Variants in KIDINS220 observed in about 807,000 individuals in gnomAD.
KIDINS220 encodes kinase D-interacting substrate of 220 kDa.
KIDINS220 carries 63 observed loss-of-function variants against 157.6 expected under a neutral mutation model. The observed-to-expected ratio is 0.40, with a 90% CI of 0.33 to 0.49. KIDINS220 has a LOEUF of 0.49. Ranked by LOEUF, KIDINS220 falls within the 20% of genes least tolerant of loss-of-function variation. KIDINS220 has a pLI of 0.66. For missense variants in KIDINS220, 1,772 were observed against 2,171.2 expected (o/e 0.82, Z 3.65); for synonymous variants, 732 against 783.6 (o/e 0.93, Z 1.10).
chr2:8,746,103 AT>A (rs1231470460), intron 26 of KIDINS220, among the ~76,000 whole-genome samples: 346 of 140,460 alleles, frequency 2.5e-3, no homozygotes, highest in Admixed American at 4.1e-3. Context: ...TTATACAGTA[AT>A]TTTTTTTTTT....
downstream of KIDINS220, among the ~76,000 whole-genome samples, chr2:8,728,365 C>T (rs369654907): frequency 1.3e-5 from 2 of 152,032 alleles, no homozygotes; most frequent in Non-Finnish European, 2.9e-5. Flanking sequence ...CCACAAAAAA[C>T]CCCACAGGAC....
rs1663773486 is a variant in KIDINS220, at chr2:8,729,776, C to T, written c.*944G>A. On this transcript the variant is annotated 3_prime_UTR_variant, in exon 30 of 30. Coordinates refer to ENST00000256707, the MANE Select transcript of KIDINS220 (RefSeq NM_020738.4). The stretch of plus-strand genomic sequence containing the variant: ...AATTAAATATTTCCTTGTCATTTAT[C>T]AATTGTCACTGACCTTTTTGATGTA... The T allele has an allele frequency of 1.0e-6, 1 of 982,490 alleles. No homozygotes were observed. Among genetic ancestry groups the T allele is most frequent in the East Asian group, 1.1e-4 (1 of 8,804 alleles). The allele number at this position is 982,490 out of a possible 1,614,324, so 60.9% of individuals were successfully genotyped here. A position where few individuals can be genotyped will look rare whatever the true frequency, so the allele number is the denominator to read the frequency against.
chr2:8,817,712 T>C lies in KIDINS220; in HGVS notation c.212A>G (p.Asn71Ser), dbSNP rs1656956490. ...CGATGCAGATATAAGTGCTGTCCAA[T>C]TATCCTTGAACATATATTTTAAAAG... ...GANCNLEDLD[N>S]WTALISASKE... The change falls in exon 4 of 30, where the codon AAT becomes AGT. Residue 71 changes from asparagine (N) to serine (S), a missense_variant. Physicochemically the swap from Asn to Ser is conservative, Grantham distance 46. Coordinates refer to ENST00000256707, the MANE Select transcript of KIDINS220 (RefSeq NM_020738.4). 2 of 1,591,238 alleles carry C rather than the reference T, an allele frequency of 1.3e-6. No homozygotes were observed. The highest frequency in any genetic ancestry group is 2.7e-5 in the African/African-American group (2 of 74,390).
At chr2:8,743,250 G>A (rs1472471133) in intron 26 of KIDINS220, among the ~76,000 whole-genome samples, 1 of 151,962 alleles carries the variant, frequency 6.6e-6, no homozygotes, top group Non-Finnish European at 1.5e-5. Flanking sequence ...ACAACTTTAG[G>A]GCTAAGAAGC....
At position 8,788,670 on chromosome 2, in the gene KIDINS220, C is replaced by G; in HGVS notation, c.1764G>C (p.Gln588His). 4 of 1,614,118 alleles carry G rather than the reference C, an allele frequency of 2.5e-6. 1 individual carries two copies. In the Middle Eastern group the frequency reaches 6.6e-4, roughly 266 times the overall value. ...MFVNPPELPE[Q>H]TTKALPVRFL... Reference sequence around the variant, plus strand: ...ACCTCACAGGTAAAGCTTTAGTAGTCTGCTCTGGCAACTCAGGTGGATTCA... The same window carrying G: ...ACCTCACAGGTAAAGCTTTAGTAGTGTGCTCTGGCAACTCAGGTGGATTCA... Residue 588 changes from glutamine to histidine, a missense_variant, in exon 15 of 30, where the codon CAG becomes CAC. Gln to His is a conservative substitution (Grantham distance 24). Transcript: ENST00000256707.
rs1256415921 is a variant in KIDINS220 at position 8,733,677 on chromosome 2, G to A, written c.3820C>T (p.Leu1274=). 2 of 1,528,708 alleles carry A rather than the reference G, an allele frequency of 1.3e-6. No homozygotes were observed. The highest frequency in any genetic ancestry group is 1.8e-4 in the Middle Eastern group (1 of 5,544). 94.7% of individuals were successfully genotyped at this position (1,528,708 alleles called of 1,614,324 possible). The change falls in exon 29 of 30, where the codon CTA becomes TTA. Residue 1274 remains leucine (L), a synonymous_variant. Coordinates refer to ENST00000256707, the MANE Select transcript of KIDINS220 (RefSeq NM_020738.4). ...TGGCTTTCTGCGTTTCTCATTTCTA[G>A]TACCTTAACAGAAGAAAAACATAAA... ...GDWHLFRSTV[L]EMRNAESHVV...
chr2:8,743,801 T>C (rs1256717671), intron 26 of KIDINS220, among the ~76,000 whole-genome samples: 3 of 152,208 alleles, frequency 2.0e-5, no homozygotes, highest in African/African-American at 2.4e-5. Context: ...TCTGCTTTTA[T>C]TGGTTTTACA....
intron 17 of KIDINS220, among the ~76,000 whole-genome samples, chr2:8,782,238 A>C (rs1288522233): frequency 6.6e-6 from 1 of 152,116 alleles, no homozygotes; most frequent in Non-Finnish European, 1.5e-5. Context: ...CTAAAACAGA[A>C]ATAAAACAAT....
At chr2:8,721,319 GAATT>G (rs1404978830), downstream of KIDINS220, 58 of 152,216 alleles carry the variant, frequency 3.8e-4, no homozygotes, top group African/African-American at 1.3e-3. Context: ...CAAATAAGAT[GAATT>G]TATTCAACAC....
intron 5 of KIDINS220, 102 bp downstream of exon 5, chr2:8,813,131 TAAAG>T: frequency 6.2e-6 from 4 of 646,888 alleles, no homozygotes; most frequent in Non-Finnish European, 5.4e-6. Flanking sequence ...TTTAATAAGA[TAAAG>T]AATATTTCTA....
intron 18 of KIDINS220, among the ~76,000 whole-genome samples, chr2:8,779,427 C>T (rs1332068862): frequency 6.6e-6 from 1 of 152,204 alleles, no homozygotes; most frequent in African/African-American, 2.4e-5. Flanking sequence ...TTCATGAATA[C>T]AGATGCTCTA....
At chr2:8,821,037 A>G (rs1677881432) in intron 2 of KIDINS220, among the ~76,000 whole-genome samples, 1 of 152,184 alleles carries the variant, frequency 6.6e-6, no homozygotes, top group South Asian at 2.1e-4. Context: ...CCAAAGACTC[A>G]GGGAAGTTTT....
chr2:8,728,245 G>T (rs1265601611), downstream of KIDINS220, among the ~76,000 whole-genome samples: 2 of 152,146 alleles, frequency 1.3e-5, no homozygotes, highest in African/African-American at 4.8e-5. Context: ...GGGAGGCTGA[G>T]CCCAGGAGGT....
Position 8,779,625 on chromosome 2 carries a change from C to A in KIDINS220, c.2370+49G>T, listed in dbSNP as rs530177313. ...ATATTTGTGAAGTCAAACATTCTCTCAAGTGCCACAACATAACAATGGTGG... is the reference window on the plus strand; with the variant it reads ...ATATTTGTGAAGTCAAACATTCTCTAAAGTGCCACAACATAACAATGGTGG... On this transcript the variant is annotated intron_variant, in intron 18 of 29. Coordinates refer to ENST00000256707, the MANE Select transcript of KIDINS220 (RefSeq NM_020738.4). The A allele has an allele frequency of 1.9e-6, 3 of 1,566,002 alleles. No homozygotes were observed. The South Asian group carries it at 3.5e-5, about 18-fold the overall frequency.
At chr2:8,781,937 C>T (rs1671780212) in intron 17 of KIDINS220, among the ~76,000 whole-genome samples, 1 of 151,964 alleles carries the variant, frequency 6.6e-6, no homozygotes, top group Non-Finnish European at 1.5e-5. Context: ...GTGTGGGGAA[C>T]ATGGTGAAAC....
At chr2:8,744,380 AAAAAAAAAATATAT>A (rs1666135838) in intron 26 of KIDINS220, among the ~76,000 whole-genome samples, 1 of 31,296 alleles carries the variant, frequency 3.2e-5, no homozygotes, top group African/African-American at 1.7e-4. Context: ...AAAAAAAAAA[AAAAAAAAAATATAT>A]ATATATAATA....
At position 8,796,800 on chromosome 2, in the gene KIDINS220, T is replaced by C; in HGVS notation, c.1069A>G (p.Lys357Glu). 1 of 1,614,196 alleles carries C rather than the reference T, an allele frequency of 6.2e-7. No homozygotes were observed. The highest frequency in any genetic ancestry group is 8.5e-7 in the Non-Finnish European group (1 of 1,180,010). ...NIEVVELLLD[K>E]GAKVSAVDKK... ...TCTACAGCAGACACTTTAGCACCTT[T>C]ATCTAGCAGCAGCTCCACCACTTCA... Residue 357 changes from lysine to glutamate, a missense_variant, in exon 11 of 30, where the codon AAA (lysine) becomes GAA (glutamate). Coordinates refer to ENST00000256707, the MANE Select transcript of KIDINS220 (RefSeq NM_020738.4).
chr2:8,835,418 T>C (rs1680258042), intron 1 of KIDINS220, among the ~76,000 whole-genome samples: 3 of 152,086 alleles, frequency 2.0e-5, no homozygotes, highest in Admixed American at 2.0e-4. Flanking sequence ...CCAATCAGAC[T>C]TCTCTCTCTA....
intron 17 of KIDINS220, among the ~76,000 whole-genome samples, chr2:8,781,038 A>T (rs1572630176): frequency 6.6e-6 from 1 of 151,068 alleles, no homozygotes; most frequent in African/African-American, 2.4e-5. Context: ...TATCTACAAG[A>T]AACCCACCTT....
Sources: allele counts gnomAD v4.1 joint callset (sites outside exome capture counted in the v4.1 genomes callset), GRCh38; gene constraint gnomAD v4.1.1; transcripts MANE v1.5; gene names NCBI Gene and HGNC (gene_info 2026-07-23, HGNC 2026-07-21).